ATG101: variants seen among roughly 807,000 people sequenced by gnomAD.
The protein encoded by ATG101 is autophagy-related protein 101.
In ATG101, 6 loss-of-function variants were observed where a neutral mutation model predicts 16.7. The ratio of observed to expected loss-of-function variants is 0.36; its 90% CI spans 0.20 to 0.71. The LOEUF (loss-of-function observed/expected upper bound fraction) is 0.71. Among genes scored for constraint, ATG101 ranks in the 30% least tolerant of loss-of-function variants. The pLI, the probability that ATG101 is intolerant of heterozygous loss-of-function variation, is 0.57. For synonymous variants in ATG101, 108 were observed against 118.1 expected (o/e 0.91, Z 0.56); for missense variants, 200 against 292.5 (o/e 0.68, Z 2.31).
chr12:52,069,657 G>C (rs905783984), upstream of ATG101: 1 of 152,118 alleles, frequency 6.6e-6, no homozygotes, highest in Non-Finnish European at 1.5e-5. Flanking sequence ...AGCCCGTAGG[G>C]CTCCTCCTTC....
At chr12:52,071,729 CCTGGGAG>C (rs1565660926) in intron 2 of ATG101, among the ~76,000 whole-genome samples, 2 of 152,020 alleles carry the variant, frequency 1.3e-5, no homozygotes, top group Non-Finnish European at 2.9e-5. Context: ...GGGATGGGAG[CCTGGGAG>C]GCAGAAGTTG....
intron 3 of ATG101, among the ~76,000 whole-genome samples, chr12:52,074,538 T>C (rs563024761): frequency 1.7e-4 from 26 of 152,210 alleles, no homozygotes; most frequent in African/African-American, 5.8e-4. Flanking sequence ...TTTTTTTTTT[T>C]TGAGACACAG....
At chr12:52,072,374 G>A (rs962356554) in intron 2 of ATG101, among the ~76,000 whole-genome samples, 1 of 152,212 alleles carries the variant, frequency 6.6e-6, no homozygotes, top group African/African-American at 2.4e-5. Context: ...TTACAGATAA[G>A]AAGTTCAGAG....
At chr12:52,072,098 G>C (rs1939659288) in intron 2 of ATG101, among the ~76,000 whole-genome samples, 1 of 152,210 alleles carries the variant, frequency 6.6e-6, no homozygotes. Context: ...CTAATACTTA[G>C]TGGATATTTA....
chr12:52,067,643 A>G (rs1225635945), upstream of ATG101, among the ~76,000 whole-genome samples: 10 of 149,734 alleles, frequency 6.7e-5, no homozygotes, highest in Non-Finnish European at 1.3e-4. Flanking sequence ...GCTGGAGTGC[A>G]GTGGTGTGAT....
In ATG101 at chr12:52,070,212, C is replaced by T. The variant is rs1302678916; in HGVS notation, c.-237C>T. On this transcript the variant is annotated 5_prime_UTR_variant, in exon 1 of 4. Coordinates refer to ENST00000336854, the MANE Select transcript of ATG101 (RefSeq NM_021934.5). Reference sequence around the variant, plus strand: ...GCCGCCCCCGAGACACCCGAGGAGTCCGTTCCTCCCTGGTTACGTGGACTG... The same window carrying T: ...GCCGCCCCCGAGACACCCGAGGAGTTCGTTCCTCCCTGGTTACGTGGACTG... 6.6e-6 allele frequency: 1 copy of T among 152,258 alleles called. No homozygotes were observed. Among genetic ancestry groups the T allele is most frequent in the Non-Finnish European group, 1.5e-5 (1 of 68,078 alleles). 9.4% of individuals were successfully genotyped at this position (152,258 alleles called of 1,614,324 possible).
At chr12:52,071,623 C>G (rs1290847294) in intron 2 of ATG101, among the ~76,000 whole-genome samples, 2 of 152,082 alleles carry the variant, frequency 1.3e-5, no homozygotes, top group African/African-American at 4.8e-5. Context: ...TCGAGACCAG[C>G]CTGGGTAACA....
In ATG101 at chr12:52,073,868, A is replaced by T. The variant is rs1939689418; in HGVS notation, c.218A>T (p.Asp73Val). 1 of 1,613,988 alleles carries T rather than the reference A, an allele frequency of 6.2e-7. No homozygotes were observed. The highest frequency in any genetic ancestry group is 1.3e-5 in the African/African-American group (1 of 74,882). ...GTGCGTGTCTCTTCTGAGGAACTGG[A>T]TCGTGCCCTGCGCAAGGTTGTTGGG... ...TYVRVSSEEL[D>V]RALRKVVGEF... Residue 73 changes from aspartate to valine, a missense_variant, in exon 3 of 4, where the codon GAT becomes GTT. Coordinates refer to ENST00000336854, the MANE Select transcript of ATG101 (RefSeq NM_021934.5).
chr12:52,075,691 G>C (rs1179346638), intron 3 of ATG101, among the ~76,000 whole-genome samples: 1 of 152,204 alleles, frequency 6.6e-6, no homozygotes, highest in Admixed American at 6.5e-5. Flanking sequence ...ACACCCATGG[G>C]GTGGCAAGGG....
upstream of ATG101, among the ~76,000 whole-genome samples, chr12:52,065,847 C>T (rs376026406): frequency 1.6e-4 from 24 of 152,282 alleles, no homozygotes; most frequent in African/African-American, 5.8e-4. Flanking sequence ...GTTTCTCCCC[C>T]ATACATATGT....
chr12:52,074,041 G>T, intron 3 of ATG101, 139 bp downstream of exon 3: 1 of 1,300,348 alleles, frequency 7.7e-7, no homozygotes. Context: ...CAGGTTCTGA[G>T]AAACAGATGT....
In ATG101 at chr12:52,070,446, G is replaced by C. The variant is rs1445964044; in HGVS notation, c.-114G>C. On this transcript the variant is annotated 5_prime_UTR_variant, in exon 2 of 4. Coordinates refer to ENST00000336854, the MANE Select transcript of ATG101 (RefSeq NM_021934.5). ...AGGAGGAGGAGGAAGGGCATGAGCC[G>C]AGCTTGAGGAATCCGTGCTCCAAAC... 2 of 152,982 alleles carry C rather than the reference G, an allele frequency of 1.3e-5. No individual in the cohort carries two copies. The highest frequency in any genetic ancestry group is 4.8e-5 in the African/African-American group (2 of 41,468). The allele number at this position is 152,982 out of a possible 1,614,324, so 9.5% of individuals were successfully genotyped here.
rs558266526 is a variant in ATG101, at chr12:52,072,706, T to G, written c.-76-869T>G. On this transcript the variant is annotated intron_variant, in intron 2 of 3. Transcript: ENST00000336854. ...AGCAGTTTGTGACCCCAATACGGTT[T>G]AGAGCCATTCTTTGCCCTTTAGCCA... 1.2e-3 allele frequency among the ~76,000 whole-genome samples: 183 copies of G among 152,328 alleles called. 1 individual carries two copies. The highest frequency in any genetic ancestry group is 4.3e-3 in the African/African-American group (177 of 41,580).
chr12:52,073,464 A>C (rs1939681893), intron 2 of ATG101, 111 bp from the exon 3 acceptor site: 1 of 689,006 alleles, frequency 1.5e-6, no homozygotes, highest in African/African-American at 1.8e-5. Context: ...TGTGCTGCCA[A>C]AATGCAGAGA....
chr12:52,075,669 A>G (rs1206710233), intron 3 of ATG101, among the ~76,000 whole-genome samples: 3 of 152,326 alleles, frequency 2.0e-5, no homozygotes, highest in Middle Eastern at 3.4e-3. Flanking sequence ...GAAGAGGAGT[A>G]TGGGGCCACT....
chr12:52,065,647 C>T (rs1939541236), upstream of ATG101, among the ~76,000 whole-genome samples: 1 of 152,150 alleles, frequency 6.6e-6, no homozygotes, highest in Non-Finnish European at 1.5e-5. Flanking sequence ...GAGGACTCAG[C>T]CTTCCTTATG....
At chr12:52,074,581 G>T (rs1464229356) in intron 3 of ATG101, among the ~76,000 whole-genome samples, 2 of 150,696 alleles carry the variant, frequency 1.3e-5, no homozygotes, top group Non-Finnish European at 3.0e-5. Flanking sequence ...TGAACTCCTG[G>T]GCTCGAGCAG....
intron 2 of ATG101, among the ~76,000 whole-genome samples, chr12:52,073,025 C>T (rs1361780422): frequency 2.0e-5 from 3 of 152,184 alleles, no homozygotes; most frequent in East Asian, 1.9e-4. Context: ...TTGCCTCGGC[C>T]TCCCAAGTTG....
At chr12:52,074,083 G>A (rs868283050) in intron 3 of ATG101, among the ~76,000 whole-genome samples, 181 bp downstream of exon 3, 1 of 152,160 alleles carries the variant, frequency 6.6e-6, no homozygotes, top group African/African-American at 2.4e-5. Context: ...GAGGGCGCGC[G>A]GGCGCGTGTG....
Sources: gnomAD v4.1 joint callset for allele counts (sites outside exome capture counted in the v4.1 genomes callset) on GRCh38, gnomAD v4.1.1 for gene constraint, MANE v1.5 for transcripts, NCBI Gene and HGNC (gene_info 2026-07-23, HGNC 2026-07-21) for gene names.